Variants in AP3B1 observed in about 807,000 individuals in gnomAD.
The protein encoded by AP3B1 is adaptor related protein complex 3 subunit beta 1.
Under a neutral mutation model 132.5 loss-of-function variants are expected in AP3B1, and 61 were observed. That is an observed-to-expected ratio of 0.46 (90% CI 0.37 to 0.57). The LOEUF is 0.57. Ranked by LOEUF, AP3B1 falls within the 20% of genes least tolerant of loss-of-function variation. The pLI, the probability that AP3B1 is intolerant of heterozygous loss-of-function variation, is 0.00. For missense variants in AP3B1, 1,120 were observed against 1,289.4 expected (o/e 0.87, Z 2.01); for synonymous variants, 388 against 438.3 (o/e 0.89, Z 1.43).
chr5:78,217,413 A>C (rs10473995), intron 6 of AP3B1, among the ~76,000 whole-genome samples: 55,706 of 151,908 alleles, frequency 0.37, 10,498 homozygotes, highest in African/African-American at 0.45. Context: ...TCCAGCCCTA[A>C]CCATGTACTG....
chr5:78,119,682 G>C (rs924192127), intron 17 of AP3B1, among the ~76,000 whole-genome samples: 1 of 152,156 alleles, frequency 6.6e-6, no homozygotes, highest in South Asian at 2.1e-4. Context: ...AAGAAATGTG[G>C]GACTATGTGA....
chr5:78,227,239 C>T, intron 5 of AP3B1, 133 bp downstream of exon 5: 1 of 867,150 alleles, frequency 1.2e-6, no homozygotes, highest in Non-Finnish European at 1.8e-6. Flanking sequence ...GGGGGAAATA[C>T]CATCATACAG....
At chr5:78,128,184 A>G in intron 16 of AP3B1, 24 bp from the exon 17 acceptor site, 1 of 1,554,190 alleles carries the variant, frequency 6.4e-7, no homozygotes, top group Non-Finnish European at 8.8e-7. Flanking sequence ...GGAAAAATAT[A>G]AAATAAACAA....
intron 22 of AP3B1, chr5:78,042,611 G>C (rs1204588682): frequency 5.1e-6 from 1 of 195,990 alleles, no homozygotes; most frequent in Non-Finnish European, 1.1e-5. Flanking sequence ...TCAGAGAACA[G>C]CTCAAGGCAC....
intron 8 of AP3B1, among the ~76,000 whole-genome samples, chr5:78,178,687 C>T (rs949474017): frequency 3.3e-5 from 5 of 152,018 alleles, no homozygotes; most frequent in African/African-American, 1.2e-4. Flanking sequence ...TACTGTTTCC[C>T]CTAAGTGCCT....
chr5:78,161,532 C>T (rs1350685620), intron 13 of AP3B1, among the ~76,000 whole-genome samples: 1 of 151,828 alleles, frequency 6.6e-6, no homozygotes, highest in Non-Finnish European at 1.5e-5. Context: ...TTTAATGTCA[C>T]ATTTTAAAAT....
chr5:78,184,772 GGAGAAGAGACA>G, intron 7 of AP3B1, among the ~76,000 whole-genome samples: 1 of 151,760 alleles, frequency 6.6e-6, no homozygotes, highest in Non-Finnish European at 1.5e-5. Flanking sequence ...AATCCTGGAA[GGAGAAGAGACA>G]GAGGCAAGAG....
intron 11 of AP3B1, among the ~76,000 whole-genome samples, chr5:78,171,239 A>T (rs914019640): frequency 1.3e-5 from 2 of 152,034 alleles, no homozygotes; most frequent in Admixed American, 6.6e-5. Flanking sequence ...TTCCATATGA[A>T]CTTTAAAGTA....
intron 1 of AP3B1, among the ~76,000 whole-genome samples, chr5:78,289,933 T>C (rs1749441110): frequency 6.6e-6 from 1 of 152,216 alleles, no homozygotes; most frequent in Non-Finnish European, 1.5e-5. Flanking sequence ...GGTTTCTACA[T>C]ACTCTGCCTA....
chr5:78,171,137 C>T (rs1294957527), intron 11 of AP3B1, among the ~76,000 whole-genome samples: 1 of 152,102 alleles, frequency 6.6e-6, no homozygotes, highest in African/African-American at 2.4e-5. Flanking sequence ...GTTACTGTAG[C>T]CTCGTAGTAT....
intron 26 of AP3B1, among the ~76,000 whole-genome samples, chr5:78,012,993 A>G (rs1295121377): frequency 6.6e-6 from 1 of 152,180 alleles, no homozygotes; most frequent in Non-Finnish European, 1.5e-5. Flanking sequence ...TCTATCTCCC[A>G]ATAGGAAGAT....
At position 78,227,361 on chromosome 5, in the gene AP3B1, A is replaced by T; in HGVS notation, c.536+11T>A. On this transcript the variant is annotated intron_variant, in intron 5 of 26. Coordinates refer to ENST00000255194, the MANE Select transcript of AP3B1 (RefSeq NM_003664.5). Reference sequence around the variant, plus strand: ...CAGAGATCTTTGGTATATTGTTAACAATGCACCTACCTGTATAATTTTTGT... The same window carrying T: ...CAGAGATCTTTGGTATATTGTTAACTATGCACCTACCTGTATAATTTTTGT... 1 of 1,612,392 alleles carries T rather than the reference A, an allele frequency of 6.2e-7. No homozygotes were observed. The highest frequency in any genetic ancestry group is 8.5e-7 in the Non-Finnish European group (1 of 1,178,774).
chr5:78,101,306 C>G, intron 20 of AP3B1: 2 of 459,308 alleles, frequency 4.4e-6, no homozygotes, highest in Non-Finnish European at 8.3e-6. Context: ...AATCGGACAA[C>G]TTCTTGCTAA....
intron 7 of AP3B1, among the ~76,000 whole-genome samples, chr5:78,189,815 A>G (rs975581155): frequency 2.0e-5 from 3 of 151,840 alleles, no homozygotes; most frequent in African/African-American, 7.3e-5. Flanking sequence ...GGTTGCAGTG[A>G]GCCAAGATCA....
chr5:78,251,864 T>C (rs1747651054), intron 2 of AP3B1, among the ~76,000 whole-genome samples: 1 of 151,676 alleles, frequency 6.6e-6, no homozygotes, highest in Non-Finnish European at 1.5e-5. Flanking sequence ...GCCAAGGGAG[T>C]GCTGACATTA....
chr5:78,275,724 C>T (rs1748745249), intron 1 of AP3B1, among the ~76,000 whole-genome samples: 3 of 152,132 alleles, frequency 2.0e-5, no homozygotes, highest in Middle Eastern at 3.2e-3. Flanking sequence ...CCACCCACCT[C>T]GGCCTCCCAA....
chr5:78,093,949 T>A (rs1381616993), intron 21 of AP3B1, among the ~76,000 whole-genome samples: 1 of 152,256 alleles, frequency 6.6e-6, no homozygotes, highest in Non-Finnish European at 1.5e-5. Context: ...TGCTCCACTG[T>A]CCTCTTAGTG....
chr5:78,139,046 A>G (rs1463586839), intron 15 of AP3B1, among the ~76,000 whole-genome samples: 1 of 151,718 alleles, frequency 6.6e-6, no homozygotes, highest in Non-Finnish European at 1.5e-5. Context: ...AAGAAAAAAA[A>G]AAAAAAAACC....
intron 22 of AP3B1, among the ~76,000 whole-genome samples, chr5:78,065,407 A>C (rs1749245652): frequency 2.0e-5 from 3 of 152,012 alleles, no homozygotes; most frequent in Non-Finnish European, 4.4e-5. Context: ...CTGCTGCCTA[A>C]GACCACCGAG....
Sources: gnomAD v4.1 joint callset for allele counts (sites outside exome capture counted in the v4.1 genomes callset) on GRCh38, gnomAD v4.1.1 for gene constraint, MANE v1.5 for transcripts, NCBI Gene and HGNC (gene_info 2026-07-23, HGNC 2026-07-21) for gene names.